TMEM175: variants seen among roughly 807,000 people sequenced by gnomAD.
TMEM175 encodes the protein transmembrane protein 175.
In TMEM175, 36 loss-of-function variants were observed where a neutral mutation model predicts 36.5. That is an observed-to-expected ratio of 0.99 (90% CI 0.76 to 1.30). TMEM175 has a LOEUF of 1.30. TMEM175 is among the 50% of genes most tolerant of loss of function. The pLI, the probability that TMEM175 is intolerant of heterozygous loss-of-function variation, is 0.00. For synonymous variants in TMEM175, 339 were observed against 313.4 expected, an observed-to-expected ratio of 1.08 and a Z score of -0.86; for missense variants, 705 against 692.8, an observed-to-expected ratio of 1.02 and a Z score of -0.20.
At chr4:949,746 C>G (rs10017289) in intron 3 of TMEM175, among the ~76,000 whole-genome samples, 59,766 of 145,478 alleles carry the variant, frequency 0.41, 11,944 homozygotes, top group African/African-American at 0.45. Context: ...CCTCCACGCC[C>G]ACCGCGGCCC....
rs183475710 is a variant in TMEM175 at position 932,815 on chromosome 4, G to A, written c.-32+275G>A. On this transcript the variant is annotated intron_variant, in intron 1 of 10. Coordinates refer to ENST00000264771, the MANE Select transcript of TMEM175 (RefSeq NM_032326.4). The surrounding 1 kb of genome is among the most constrained non-coding windows in gnomAD (Gnocchi z 4.0). ...TTTCCTGTGACGCTTAGTGAGTAAG[G>A]TTGGCAGCCCCCTCCCAGCAGCCAG... 3.3e-3 allele frequency among the ~76,000 whole-genome samples: 502 copies of A among 152,358 alleles called. 3 individuals carry two copies. The highest frequency in any genetic ancestry group is 0.014 in the Middle Eastern group (4 of 294).
At position 958,578 on chromosome 4, in the gene TMEM175, C is replaced by T. The variant is rs59814278; in HGVS notation, c.*82C>T. 14 of 1,209,216 alleles carry T rather than the reference C, an allele frequency of 1.2e-5. No homozygotes were observed. The highest frequency in any genetic ancestry group is 4.8e-5 in the South Asian group (3 of 63,056). The allele number at this position is 1,209,216 out of a possible 1,614,324, so 74.9% of individuals were successfully genotyped here. A position where few individuals can be genotyped will look rare whatever the true frequency, so the allele number is the denominator to read the frequency against. On this transcript the variant is annotated 3_prime_UTR_variant, in exon 11 of 11. Coordinates refer to ENST00000264771, the MANE Select transcript of TMEM175 (RefSeq NM_032326.4). Reference sequence around the variant, plus strand: ...ATGCTGGGCAGGGGAAGCCAAGTCACGGGCAGGCCGCAGTGGTTCTTGCGT... The same window carrying T: ...ATGCTGGGCAGGGGAAGCCAAGTCATGGGCAGGCCGCAGTGGTTCTTGCGT...
intron 2 of TMEM175, 93 bp from the exon 3 acceptor site, chr4:948,023 C>A: frequency 6.2e-7 from 1 of 1,609,500 alleles, no homozygotes; most frequent in East Asian, 2.2e-5. Context: ...CTTAGGGGGG[C>A]CCAGCACTGC....
chr4:941,815 A>G (rs549258452), intron 1 of TMEM175, among the ~76,000 whole-genome samples: 38 of 152,036 alleles, frequency 2.5e-4, no homozygotes, highest in African/African-American at 8.2e-4. Context: ...CATTCCTATA[A>G]TCCCAGCTAC....
Position 958,301 on chromosome 4 carries a change from G to A in TMEM175, c.1320G>A (p.Leu440=). ...SLLAFASTCL[L]SRFSVGIFHL... is the part of the protein sequence containing the mutation. ...TGGCCTTCGCCTCCACCTGCCTGCT[G>A]AGCAGGTTCAGTGTGGGCATCTTCC... Residue 440 remains leucine (L), a synonymous_variant, in exon 11 of 11, where the codon CTG becomes CTA. Transcript: ENST00000264771. 1 of 1,606,060 alleles carries A rather than the reference G, an allele frequency of 6.2e-7. No homozygotes were observed. Among genetic ancestry groups the A allele is most frequent in the Non-Finnish European group, 8.5e-7 (1 of 1,179,792 alleles).
At chr4:951,378 A>G in intron 5 of TMEM175, 120 bp downstream of exon 5, 2 of 1,156,864 alleles carry the variant, frequency 1.7e-6, no homozygotes, top group South Asian at 2.5e-5. Context: ...GGAGCCTGGA[A>G]TCTGTCCACA....
At position 932,604 on chromosome 4, in the gene TMEM175, T is replaced by A. The variant is rs1726121101; in HGVS notation, c.-32+64T>A. ...CCACATGGTCTGTTTTGTGGGAGGCTCCTTCTCAGGTGTCTCCGGTTTAAG... is the reference window on the plus strand; with the variant it reads ...CCACATGGTCTGTTTTGTGGGAGGCACCTTCTCAGGTGTCTCCGGTTTAAG... On this transcript the variant is annotated intron_variant, in intron 1 of 10. Coordinates refer to ENST00000264771, the MANE Select transcript of TMEM175 (RefSeq NM_032326.4). This position sits in a 1 kb window ranked among gnomAD's most constrained non-coding sequence, Gnocchi z 4.0. 2.6e-6 allele frequency: 1 copy of A among 384,752 alleles called. No homozygotes were observed. The highest frequency in any genetic ancestry group is 2.1e-5 in the African/African-American group (1 of 47,976). The allele number at this position is 384,752 out of a possible 1,614,324, so 23.8% of individuals were successfully genotyped here.
intron 1 of TMEM175, among the ~76,000 whole-genome samples, chr4:937,023 C>G (rs1055079812): frequency 2.0e-5 from 3 of 151,692 alleles, no homozygotes; most frequent in African/African-American, 7.3e-5. Flanking sequence ...ACAATTAAGG[C>G]ATTGCAACAT....
chr4:950,508 GCA>G lies in TMEM175; in HGVS notation c.287_288del (p.Thr96LysfsTer39). On this transcript the variant is annotated frameshift_variant, in exon 4 of 11. Transcript: ENST00000264771. LOFTEE classifies it high-confidence loss of function. ...TCTCATCGTGACAGTGGCCTGGGCA[GCA>G]CACACAAGGTGGGGGCCCGGGCGCT... ...TFLIVTVAWA[A>X]HTRLFQVVGK... The G allele has an allele frequency of 6.2e-7, 1 of 1,613,768 alleles. No individual in the cohort carries two copies. Among genetic ancestry groups the G allele is most frequent in the Non-Finnish European group, 8.5e-7 (1 of 1,179,770 alleles).
chr4:957,393 G>A (rs1377145834), intron 10 of TMEM175, among the ~76,000 whole-genome samples: 1 of 152,202 alleles, frequency 6.6e-6, no homozygotes, highest in African/African-American at 2.4e-5. Context: ...TGAGAACCGT[G>A]GAGGCAAGCC....
Position 955,788 on chromosome 4 carries a change from T to C in TMEM175, c.740T>C (p.Val247Ala), listed in dbSNP as rs1729542832. 3 of 1,613,472 alleles carry C rather than the reference T, an allele frequency of 1.9e-6. No homozygotes were observed. In the East Asian group the frequency reaches 6.7e-5, roughly 36 times the overall value. ...GAGCCCTCGGCTCACCCAGTGGAAG[T>C]CTTCTCGTTTGACCTCCACGAGCCA... is the stretch of plus-strand genomic sequence containing the variant. ...HREPSAHPVE[V>A]FSFDLHEPLS... Residue 247 changes from valine (V) to alanine (A), a missense_variant, in exon 10 of 11, where the codon GTC becomes GCC. Coordinates refer to ENST00000264771, the MANE Select transcript of TMEM175 (RefSeq NM_032326.4).
rs138797767 is a variant in TMEM175 at position 955,187 on chromosome 4, C to A, written c.628-218C>A. ...GAACTCTTGGGCCCAAGCGATCCAC[C>A]TGCCTCAGCCCCACAAAGTGCTGGG... On this transcript the variant is annotated intron_variant, in intron 8 of 10. Coordinates refer to ENST00000264771, the MANE Select transcript of TMEM175 (RefSeq NM_032326.4). Among the ~76,000 whole-genome samples the A allele has an allele frequency of 1.5e-3, 225 of 152,342 alleles. 2 individuals carry two copies. The Middle Eastern group carries it at 0.017, about 12-fold the overall frequency.
Position 957,807 on chromosome 4 carries a change from C to T in TMEM175, c.843-17C>T, listed in dbSNP as rs1043362326. On this transcript the variant is annotated splice_polypyrimidine_tract_variant and intron_variant, in intron 10 of 10. Transcript: ENST00000264771. ...CACGGCAAGGCCGGCACAAATGCAT[C>T]TATTCACTGTTCTCAGCGAAGACAA... is the stretch of plus-strand genomic sequence containing the variant. 1 of 1,585,776 alleles carries T rather than the reference C, an allele frequency of 6.3e-7. No homozygotes were observed.
At chr4:941,115 C>A (rs561721035) in intron 1 of TMEM175, among the ~76,000 whole-genome samples, 1 of 149,002 alleles carries the variant, frequency 6.7e-6, no homozygotes, top group Non-Finnish European at 1.5e-5. Context: ...CAGTGGCTCA[C>A]GCCTGTAATC....
chr4:953,462 C>T (rs780342140), intron 8 of TMEM175, 108 bp downstream of exon 8: 223 of 1,342,646 alleles, frequency 1.7e-4, no homozygotes, highest in Non-Finnish European at 2.1e-4. Context: ...CGCAGACAGG[C>T]AGGGGTTCCA....
chr4:953,391 A>G, intron 8 of TMEM175, 37 bp downstream of exon 8: 2 of 1,566,570 alleles, frequency 1.3e-6, no homozygotes, highest in Non-Finnish European at 1.7e-6. Context: ...CCAGGCAGGA[A>G]CGGGGGCCAC....
intron 3 of TMEM175, 62 bp downstream of exon 3, chr4:948,216 T>G (rs775185537): frequency 2.5e-6 from 4 of 1,613,662 alleles, no homozygotes; most frequent in Non-Finnish European, 8.5e-7. Context: ...TCCCCGAGGC[T>G]CGACCTGGCA....
Position 952,443 on chromosome 4 carries a change from T to C in TMEM175, c.455T>C (p.Val152Ala). The change falls in exon 7 of 11, where the codon GTC becomes GCC. Residue 152 changes from valine to alanine, a missense_variant. Transcript: ENST00000264771. ...LFCVCVIAIG[V>A]VQALIVGYAF... is the part of the protein sequence containing the mutation. Reference sequence around the variant, plus strand: ...TGTGTGTGTGTGATCGCCATTGGGGTCGTGCAGGTAGGGGGCCTGGGGGGC... The same window carrying C: ...TGTGTGTGTGTGATCGCCATTGGGGCCGTGCAGGTAGGGGGCCTGGGGGGC... 6.3e-7 allele frequency: 1 copy of C among 1,586,574 alleles called. No homozygotes were observed. Among genetic ancestry groups the C allele is most frequent in the Non-Finnish European group, 8.6e-7 (1 of 1,167,938 alleles).
intron 8 of TMEM175, among the ~76,000 whole-genome samples, chr4:953,867 G>A (rs1047763683): frequency 1.6e-4 from 25 of 152,244 alleles, no homozygotes; most frequent in African/African-American, 6.0e-4. Flanking sequence ...GGTATTTTTT[G>A]TGGAGACAGA....
Sources: allele counts gnomAD v4.1 joint callset (sites outside exome capture counted in the v4.1 genomes callset), GRCh38; gene constraint gnomAD v4.1.1; non-coding constraint Gnocchi (gnomAD v3.1); transcripts MANE v1.5; gene names NCBI Gene and HGNC (gene_info 2026-07-23, HGNC 2026-07-21).